Variants in QRSL1 observed in about 807,000 individuals in gnomAD.
QRSL1 encodes the protein glutamyl-tRNA(Gln) amidotransferase subunit A, mitochondrial.
Under a neutral mutation model 61.6 loss-of-function variants are expected in QRSL1, and 54 were observed. That is an observed-to-expected ratio of 0.88 (90% CI 0.70 to 1.10). The LOEUF is 1.10. Among genes scored for constraint, QRSL1 ranks in the 50% least tolerant of loss-of-function variants. The probability of loss-of-function intolerance (pLI) is 0.00; values close to 1 mark genes in which losing one functional copy is unlikely to be tolerated. For missense variants in QRSL1, 505 were observed against 622.6 expected (o/e 0.81, Z 2.01); for synonymous variants, 228 against 225.7 (o/e 1.01, Z -0.09).
intron 1 of QRSL1, among the ~76,000 whole-genome samples, chr6:106,639,671 A>C (rs998833565): frequency 6.6e-6 from 1 of 151,958 alleles, no homozygotes; most frequent in South Asian, 2.1e-4. Flanking sequence ...AATATTAGAC[A>C]CTCATCACTC....
intron 4 of QRSL1, among the ~76,000 whole-genome samples, chr6:106,648,244 C>T (rs1048145336): frequency 4.0e-5 from 6 of 151,468 alleles, no homozygotes; most frequent in African/African-American, 1.5e-4. Flanking sequence ...TGCAGTGAGC[C>T]GAGATCGCGC....
chr6:106,647,296 C>T (rs998404593), intron 4 of QRSL1, among the ~76,000 whole-genome samples: 6 of 151,928 alleles, frequency 3.9e-5, no homozygotes, highest in Non-Finnish European at 8.8e-5. Flanking sequence ...AGTTGACAAA[C>T]ACATGAAACA....
chr6:106,638,950 CAA>C (rs1776965236), intron 1 of QRSL1, among the ~76,000 whole-genome samples: 1 of 152,020 alleles, frequency 6.6e-6, no homozygotes, highest in Non-Finnish European at 1.5e-5. Context: ...ACTAAGCTTC[CAA>C]TAGAGTAGAG....
At position 106,652,212 on chromosome 6, in the gene QRSL1, T is replaced by G; in HGVS notation, c.561T>G (p.Ala187=). The change falls in exon 6 of 11, where the codon GCT becomes GCG. Residue 187 remains alanine (A), a synonymous_variant. Coordinates refer to ENST00000369046, the MANE Select transcript of QRSL1 (RefSeq NM_018292.5). The part of the protein sequence containing the change: ...AAVSAFTCYA[A]LGSDTGGSTR... ...GATAATTCCATTTAAATTCCAGGGC[T>G]TTAGGATCAGATACAGGAGGATCGA... The G allele has an allele frequency of 1.9e-6, 3 of 1,612,270 alleles. No homozygotes were observed. Among genetic ancestry groups the G allele is most frequent in the Non-Finnish European group, 2.5e-6 (3 of 1,179,012 alleles).
At chr6:106,635,608 C>G (rs774488212) in intron 1 of QRSL1, among the ~76,000 whole-genome samples, 8 of 152,204 alleles carry the variant, frequency 5.3e-5, no homozygotes, top group Non-Finnish European at 1.2e-4. Flanking sequence ...GGCACAGTGG[C>G]TCTCGCCTAT....
chr6:106,656,398 T>A (rs567467354), intron 9 of QRSL1, among the ~76,000 whole-genome samples: 3 of 152,374 alleles, frequency 2.0e-5, no homozygotes, highest in African/African-American at 7.2e-5. Context: ...AGTTTTTCCT[T>A]GTATTATGTA....
chr6:106,652,809 T>A (rs1368877250), intron 7 of QRSL1: 2 of 1,423,270 alleles, frequency 1.4e-6, no homozygotes, highest in Non-Finnish European at 1.9e-6. Flanking sequence ...TAGACAGTCA[T>A]GTTAAGTCTG....
Position 106,654,918 on chromosome 6 carries a change from A to G in QRSL1, c.1038A>G (p.Gln346=), listed in dbSNP as rs778885484. 2.8e-5 allele frequency: 44 copies of G among 1,579,006 alleles called. No individual in the cohort carries two copies. In the Middle Eastern group the frequency reaches 5.0e-4, roughly 18 times the overall value. Residue 346 remains glutamine, a synonymous_variant, in exon 8 of 11, where the codon CAA becomes CAG. Coordinates refer to ENST00000369046, the MANE Select transcript of QRSL1 (RefSeq NM_018292.5). The stretch of plus-strand genomic sequence containing the variant: ...ATATGGCAAGATTTGATGGGCTACA[A>G]TATGGTAAGATGGCTGGGTTATTTT... ...ASNMARFDGL[Q]YGHRCDIDVS...
chr6:106,639,714 T>C (rs1295846148), intron 1 of QRSL1, among the ~76,000 whole-genome samples: 2 of 152,186 alleles, frequency 1.3e-5, no homozygotes, highest in Admixed American at 1.3e-4. Flanking sequence ...CAATATACAC[T>C]GGTATTCACT....
intron 9 of QRSL1, among the ~76,000 whole-genome samples, chr6:106,660,271 T>A (rs966099102): frequency 2.0e-5 from 3 of 152,236 alleles, no homozygotes; most frequent in Middle Eastern, 3.4e-3. Context: ...TGACCATGGC[T>A]CACTGGCAGC....
chr6:106,642,772 T>G (rs1027233844), intron 3 of QRSL1: 4 of 739,210 alleles, frequency 5.4e-6, no homozygotes, highest in Non-Finnish European at 1.0e-5. Context: ...TGAAACGCAT[T>G]GAGGAAAATG....
chr6:106,660,323 A>G (rs553787723), intron 9 of QRSL1, among the ~76,000 whole-genome samples: 2 of 140,344 alleles, frequency 1.4e-5, no homozygotes, highest in East Asian at 2.1e-4. Flanking sequence ...AACCCTCAAC[A>G]CTCCCCACCC....
chr6:106,654,309 C>T (rs1217106491), intron 7 of QRSL1, among the ~76,000 whole-genome samples: 1 of 151,090 alleles, frequency 6.6e-6, no homozygotes, highest in South Asian at 2.1e-4. Flanking sequence ...GAGATTGCGC[C>T]ACTGCACTCC....
intron 4 of QRSL1, among the ~76,000 whole-genome samples, chr6:106,645,482 G>A (rs1468786442): frequency 3.3e-5 from 5 of 151,888 alleles, no homozygotes; most frequent in Non-Finnish European, 7.4e-5. Context: ...GAGTGCAATG[G>A]TGCAATCTCG....
chr6:106,642,840 C>A, intron 3 of QRSL1, 154 bp from the exon 4 acceptor site: 1 of 764,204 alleles, frequency 1.3e-6, no homozygotes. Context: ...ACGTGCCAGC[C>A]TGCTCCACCC....
In QRSL1 at chr6:106,666,919, AAG is replaced by A. The variant is rs1365558238; in HGVS notation, c.*920_*921del. 6.6e-6 allele frequency: 1 copy of A among 152,192 alleles called. No homozygotes were observed. Among genetic ancestry groups the A allele is most frequent in the Non-Finnish European group, 1.5e-5 (1 of 68,032 alleles). 9.4% of individuals were successfully genotyped at this position (152,192 alleles called of 1,614,324 possible). On this transcript the variant is annotated 3_prime_UTR_variant, in exon 11 of 11. Transcript: ENST00000369046. ...AGGGACTCCTTTTATTTCCCTAAGA[AAG>A]AGCTGAAATGACTGAGAACTTTCCT...
chr6:106,664,104 G>C (rs1777398868), intron 10 of QRSL1, among the ~76,000 whole-genome samples: 1 of 152,160 alleles, frequency 6.6e-6, no homozygotes, highest in African/African-American at 2.4e-5. Flanking sequence ...AAACTAACAT[G>C]ATTGAAGAAT....
Position 106,649,160 on chromosome 6 carries a change from A to G in QRSL1, c.516A>G (p.Ser172=). The part of the protein sequence containing the change: ...DSDWLITGGS[S]GGSAAAVSAF... ...ACTGGCTGATAACTGGAGGAAGCTC[A>G]GGTGGGAGTGCAGCTGCTGTATCGG... is the stretch of plus-strand genomic sequence containing the variant. The change falls in exon 5 of 11, where the codon TCA becomes TCG. Residue 172 remains serine (S), a synonymous_variant. Coordinates refer to ENST00000369046, the MANE Select transcript of QRSL1 (RefSeq NM_018292.5). 1 of 1,614,190 alleles carries G rather than the reference A, an allele frequency of 6.2e-7. No individual in the cohort carries two copies. The highest frequency in any genetic ancestry group is 1.1e-5 in the South Asian group (1 of 91,088).
At chr6:106,655,929 G>A (rs1214082123) in intron 9 of QRSL1, among the ~76,000 whole-genome samples, 197 bp downstream of exon 9, 1 of 152,066 alleles carries the variant, frequency 6.6e-6, no homozygotes, top group Non-Finnish European at 1.5e-5. Flanking sequence ...TAAATGATTG[G>A]TACAGATTAC....
Sources: gnomAD v4.1 joint callset for allele counts (sites outside exome capture counted in the v4.1 genomes callset) on GRCh38, gnomAD v4.1.1 for gene constraint, MANE v1.5 for transcripts, NCBI Gene and HGNC (gene_info 2026-07-23, HGNC 2026-07-21) for gene names.